Variants in APBA1 observed in about 807,000 individuals in gnomAD.
APBA1 encodes the protein amyloid-beta A4 precursor protein-binding family A member 1.
Under a neutral mutation model 86.6 loss-of-function variants are expected in APBA1, and 55 were observed. The observed-to-expected ratio is 0.64, with a 90% CI of 0.51 to 0.80. The LOEUF (loss-of-function observed/expected upper bound fraction) is 0.80. APBA1 is among the 30% of genes least tolerant of loss of function. The pLI is 0.00. For missense variants in APBA1, 1,090 were observed against 1,183.0 expected (o/e 0.92, Z 1.15); for synonymous variants, 511 against 493.9 (o/e 1.03, Z -0.46).
rs1834518155 is a variant in APBA1 at position 69,428,037 on chromosome 9, C to T, written c.*3290G>A. 1 of 152,176 alleles carries T rather than the reference C, an allele frequency of 6.6e-6. No individual in the cohort carries two copies. Among genetic ancestry groups the T allele is most frequent in the African/African-American group, 2.4e-5 (1 of 41,420 alleles). 9.4% of individuals were successfully genotyped at this position (152,176 alleles called of 1,614,324 possible). On this transcript the variant is annotated 3_prime_UTR_variant, in exon 13 of 13. Transcript: ENST00000265381. ...AGTCAACCTAGGCCAGGGAAGGAGACACATGAAACTCAAACCAACAGGTGG... is the reference window on the plus strand; with the variant it reads ...AGTCAACCTAGGCCAGGGAAGGAGATACATGAAACTCAAACCAACAGGTGG...
intron 1 of APBA1, among the ~76,000 whole-genome samples, chr9:69,545,705 CAT>C (rs1836687024): frequency 6.6e-6 from 1 of 152,188 alleles, no homozygotes; most frequent in Non-Finnish European, 1.5e-5. Context: ...TTAAAATGCA[CAT>C]ATGTAAGAAG....
chr9:69,457,755 T>TAAC (rs1468946393), intron 6 of APBA1, among the ~76,000 whole-genome samples: 2 of 152,182 alleles, frequency 1.3e-5, no homozygotes, highest in African/African-American at 4.8e-5. Flanking sequence ...ATTTAGGGCT[T>TAAC]AACTCTGTAC....
intron 1 of APBA1, among the ~76,000 whole-genome samples, chr9:69,592,726 C>G (rs1300898497): frequency 6.6e-6 from 1 of 152,118 alleles, no homozygotes; most frequent in African/African-American, 2.4e-5. Context: ...GCTTGCTTCC[C>G]CTTCCACCGT....
intron 1 of APBA1, among the ~76,000 whole-genome samples, chr9:69,530,327 TATACAC>T (rs1284458971): frequency 2.4e-3 from 301 of 127,504 alleles, no homozygotes; most frequent in East Asian, 0.011. Flanking sequence ...TATATATATA[TATACAC>T]ACACACACAC....
At chr9:69,473,702 AAAGAT>A (rs1325203503) in intron 3 of APBA1, among the ~76,000 whole-genome samples, 5 of 152,214 alleles carry the variant, frequency 3.3e-5, no homozygotes, top group Admixed American at 2.0e-4. Flanking sequence ...AAATTAAAAA[AAAGAT>A]AAGTTTGAAA....
intron 5 of APBA1, chr9:69,464,741 C>T (rs1835248560): frequency 6.6e-6 from 1 of 152,204 alleles, no homozygotes; most frequent in Admixed American, 6.5e-5. Flanking sequence ...TACAGGGATG[C>T]TGTGTACCCC....
intron 1 of APBA1, among the ~76,000 whole-genome samples, chr9:69,540,651 C>A (rs569297929): frequency 3.3e-5 from 5 of 152,272 alleles, no homozygotes; most frequent in Admixed American, 6.5e-5. Flanking sequence ...TCAGGCTGGA[C>A]TGCACTGGTG....
chr9:69,555,049 G>A (rs1425501449), intron 1 of APBA1, among the ~76,000 whole-genome samples: 1 of 152,252 alleles, frequency 6.6e-6, no homozygotes, highest in East Asian at 1.9e-4. Flanking sequence ...CATAATTCAG[G>A]CATTCAAAAC....
chr9:69,591,124 G>A (rs1407654341), intron 1 of APBA1, among the ~76,000 whole-genome samples: 1 of 152,180 alleles, frequency 6.6e-6, no homozygotes, highest in Non-Finnish European at 1.5e-5. Flanking sequence ...GAGAGGCACT[G>A]CCTATGAGGC....
intron 5 of APBA1, chr9:69,464,499 T>C (rs1435904602): frequency 6.6e-6 from 1 of 152,234 alleles, no homozygotes; most frequent in African/African-American, 2.4e-5. Flanking sequence ...CTAAAATGTA[T>C]TTATAATCAG....
chr9:69,471,221 T>C (rs561797596), intron 4 of APBA1, among the ~76,000 whole-genome samples: 76 of 152,342 alleles, frequency 5.0e-4, no homozygotes, highest in Non-Finnish European at 9.3e-4. Flanking sequence ...TACTAGCTCA[T>C]CCACGTAATA....
intron 5 of APBA1, chr9:69,461,036 C>T (rs1835183671): frequency 6.6e-6 from 1 of 152,160 alleles, no homozygotes; most frequent in Non-Finnish European, 1.5e-5. Context: ...TGGCCCGAAA[C>T]AGTTTTTATG....
At chr9:69,623,344 A>ATTTTCTTTT (rs972873093) in intron 1 of APBA1, among the ~76,000 whole-genome samples, 8 of 148,064 alleles carry the variant, frequency 5.4e-5, no homozygotes, top group African/African-American at 2.0e-4. Flanking sequence ...TCTCCTATAG[A>ATTTTCTTTT]TTTTCTTTTT....
intron 2 of APBA1, among the ~76,000 whole-genome samples, chr9:69,503,047 C>T (rs776518351): frequency 8.6e-5 from 13 of 152,002 alleles, no homozygotes; most frequent in Admixed American, 3.3e-4. Context: ...ACACAAACAC[C>T]GCAGGAAATT....
At chr9:69,588,576 G>A (rs1453779269) in intron 1 of APBA1, among the ~76,000 whole-genome samples, 2 of 152,068 alleles carry the variant, frequency 1.3e-5, no homozygotes, top group Non-Finnish European at 2.9e-5. Flanking sequence ...AAAATAATCA[G>A]CACTTCCATT....
At chr9:69,520,467 T>C (rs959007535) in intron 1 of APBA1, among the ~76,000 whole-genome samples, 1 of 152,180 alleles carries the variant, frequency 6.6e-6, no homozygotes, top group African/African-American at 2.4e-5. Context: ...TCTCACAGTA[T>C]TTTCTTCAAA....
intron 1 of APBA1, among the ~76,000 whole-genome samples, chr9:69,581,521 C>T (rs562343097): frequency 1.6e-4 from 25 of 152,178 alleles, no homozygotes; most frequent in Non-Finnish European, 3.5e-4. Flanking sequence ...ATCATTCACA[C>T]TTCAAGTACT....
rs74938277 is a variant in APBA1, at chr9:69,502,200, C to T, written c.1200+13811G>A. Among the ~76,000 whole-genome samples the T allele has an allele frequency of 3.2e-3, 494 of 152,112 alleles. 3 individuals are homozygous for T. The highest frequency in any genetic ancestry group is 0.011 in the African/African-American group (455 of 41,468). On this transcript the variant is annotated intron_variant, in intron 2 of 12. Transcript: ENST00000265381. ...CACAGAACACACAGTAACTGGAAAA[C>T]GTGCCTTCTGGTGTGCAGATCACCA...
chr9:69,498,593 C>A (rs1034062204), intron 2 of APBA1, among the ~76,000 whole-genome samples: 2 of 152,098 alleles, frequency 1.3e-5, no homozygotes, highest in Non-Finnish European at 2.9e-5. Flanking sequence ...ACACTCTGCA[C>A]CAGCAGAGCC....
Sources: gnomAD v4.1 joint callset for allele counts (sites outside exome capture counted in the v4.1 genomes callset) on GRCh38, gnomAD v4.1.1 for gene constraint, MANE v1.5 for transcripts, NCBI Gene and HGNC (gene_info 2026-07-23, HGNC 2026-07-21) for gene names.